The following ATP9B variants were observed in gnomAD, a reference collection of about 807,000 sequenced individuals.
ATP9B encodes probable phospholipid-transporting ATPase IIB.
Under a neutral mutation model 146.1 loss-of-function variants are expected in ATP9B, and 110 were observed. The ratio of observed to expected loss-of-function variants is 0.75; its 90% CI spans 0.65 to 0.88. The LOEUF (loss-of-function observed/expected upper bound fraction) is 0.88, where lower values mean the gene tolerates loss of function less well. Ranked by LOEUF, ATP9B falls within the 40% of genes least tolerant of loss-of-function variation. The pLI, the probability that ATP9B is intolerant of heterozygous loss-of-function variation, is 0.00. For missense variants in ATP9B, 1,499 were observed against 1,496.4 expected (o/e 1.00, Z -0.03); for synonymous variants, 604 against 569.7 (o/e 1.06, Z -0.86).
intron 7 of ATP9B, among the ~76,000 whole-genome samples, chr18:79,170,790 C>T (rs538791892): frequency 6.6e-6 from 1 of 152,276 alleles, no homozygotes; most frequent in African/African-American, 2.4e-5. Context: ...TATAAGCATT[C>T]GCCAGTATAA....
At chr18:79,197,044 A>G (rs1447382838) in intron 9 of ATP9B, among the ~76,000 whole-genome samples, 1 of 152,176 alleles carries the variant, frequency 6.6e-6, no homozygotes, top group Non-Finnish European at 1.5e-5. Flanking sequence ...ATTTGAGCAT[A>G]TATAGGGTGT....
At chr18:79,130,813 A>G (rs1041627657) in intron 5 of ATP9B, among the ~76,000 whole-genome samples, 8 of 151,842 alleles carry the variant, frequency 5.3e-5, no homozygotes, top group African/African-American at 1.9e-4. Flanking sequence ...TGAGAGAGAG[A>G]GAAAAAAAAC....
chr18:79,325,842 A>G (rs1489293535), intron 15 of ATP9B, among the ~76,000 whole-genome samples: 8 of 151,034 alleles, frequency 5.3e-5, no homozygotes, highest in Admixed American at 5.3e-4. Context: ...ATCTCTGCAC[A>G]CTCCATTCCT....
At chr18:79,129,980 G>T (rs1297992556) in intron 5 of ATP9B, among the ~76,000 whole-genome samples, 2 of 152,174 alleles carry the variant, frequency 1.3e-5, no homozygotes, top group African/African-American at 4.8e-5. Context: ...GACCTCAGGT[G>T]ATCCACTTGC....
chr18:79,316,226 A>G (rs2096679051), intron 15 of ATP9B, among the ~76,000 whole-genome samples: 1 of 152,196 alleles, frequency 6.6e-6, no homozygotes, highest in Non-Finnish European at 1.5e-5. Context: ...AGAAAAATCT[A>G]AATGACAAAT....
intron 21 of ATP9B, among the ~76,000 whole-genome samples, chr18:79,345,103 T>C (rs914507623): frequency 2.0e-5 from 3 of 152,156 alleles, no homozygotes; most frequent in Admixed American, 2.0e-4. Flanking sequence ...AGAAAGTCAC[T>C]AAGGCAGCTT....
chr18:79,102,430 T>G (rs2075348440), intron 2 of ATP9B, among the ~76,000 whole-genome samples: 1 of 152,194 alleles, frequency 6.6e-6, no homozygotes, highest in Non-Finnish European at 1.5e-5. Flanking sequence ...CCAAATATTC[T>G]AATACCACTT....
intron 1 of ATP9B, among the ~76,000 whole-genome samples, chr18:79,071,049 C>CTTTTTTCTTTTTTTTTTTTTTTTTTTT: frequency 8.9e-6 from 1 of 112,392 alleles, no homozygotes; most frequent in Non-Finnish European, 1.8e-5. Context: ...ATTCCTGTTT[C>CTTTTTTCTTTTTTTTTTTTTTTTTTTT]TTTTTTTTTT....
intron 14 of ATP9B, among the ~76,000 whole-genome samples, chr18:79,305,651 T>C (rs2096616681): frequency 6.6e-6 from 1 of 152,208 alleles, no homozygotes; most frequent in African/African-American, 2.4e-5. Flanking sequence ...AAATAAGTTA[T>C]TAGGAAAAAA....
intron 8 of ATP9B, among the ~76,000 whole-genome samples, chr18:79,187,016 G>A (rs1238955880): frequency 1.3e-5 from 2 of 152,192 alleles, no homozygotes; most frequent in Non-Finnish European, 2.9e-5. Context: ...GGCTTGGGTG[G>A]GAGTGCACTA....
chr18:79,348,836 T>G (rs371065388), intron 25 of ATP9B, among the ~76,000 whole-genome samples: 1 of 152,216 alleles, frequency 6.6e-6, no homozygotes, highest in African/African-American at 2.4e-5. Flanking sequence ...ACAAAAAAAT[T>G]AGCCAGGCGT....
At chr18:79,232,907 A>G (rs2095805301) in intron 11 of ATP9B, among the ~76,000 whole-genome samples, 1 of 152,234 alleles carries the variant, frequency 6.6e-6, no homozygotes, top group Non-Finnish European at 1.5e-5. Context: ...AAGACAGGCT[A>G]GTGAAAAGTT....
intron 12 of ATP9B, among the ~76,000 whole-genome samples, chr18:79,265,027 C>T (rs555159565): frequency 6.6e-6 from 1 of 152,106 alleles, no homozygotes; most frequent in Non-Finnish European, 1.5e-5. Flanking sequence ...AAGCCTAGTA[C>T]TCATTAATTA....
intron 11 of ATP9B, among the ~76,000 whole-genome samples, chr18:79,245,299 A>G (rs1028922781): frequency 1.2e-4 from 18 of 152,234 alleles, no homozygotes; most frequent in African/African-American, 4.3e-4. Context: ...TGCCACTTCT[A>G]TGAATGATGT....
rs923891356 is a variant in ATP9B at position 79,375,283 on chromosome 18, T to G, written c.3275-111T>G. The G allele has an allele frequency of 3.1e-6, 3 of 968,892 alleles. No homozygotes were observed. The African/African-American group carries it at 4.9e-5, about 16-fold the overall frequency. 60.0% of individuals were successfully genotyped at this position (968,892 alleles called of 1,614,324 possible). On this transcript the variant is annotated intron_variant, in intron 28 of 29. Transcript: ENST00000426216. Reference sequence around the variant, plus strand: ...ACCACATTGAAAACGCAGCTTGCACTGCCATTTTATTGCTTTTTAATGTAT... The same window carrying G: ...ACCACATTGAAAACGCAGCTTGCACGGCCATTTTATTGCTTTTTAATGTAT...
intron 25 of ATP9B, among the ~76,000 whole-genome samples, chr18:79,355,559 AAG>A (rs1177916290): frequency 1.3e-5 from 2 of 152,216 alleles, no homozygotes; most frequent in African/African-American, 4.8e-5. Context: ...CAATCTGAAC[AAG>A]AGAGAAAACT....
At chr18:79,189,936 C>T (rs1305412745) in intron 8 of ATP9B, among the ~76,000 whole-genome samples, 1 of 152,222 alleles carries the variant, frequency 6.6e-6, no homozygotes, top group Non-Finnish European at 1.5e-5. Flanking sequence ...GCACCATGAG[C>T]GAGCACTCGG....
chr18:79,335,812 C>A (rs2096821471), intron 17 of ATP9B, among the ~76,000 whole-genome samples: 1 of 152,250 alleles, frequency 6.6e-6, no homozygotes, highest in African/African-American at 2.4e-5. Context: ...GAGCAACACT[C>A]TTATGAGCCC....
intron 26 of ATP9B, among the ~76,000 whole-genome samples, chr18:79,369,532 CAAAAAAA>C (rs67043260): frequency 1.1e-4 from 10 of 87,990 alleles, no homozygotes; most frequent in Admixed American, 1.3e-4. Flanking sequence ...GAGTCCGTCT[CAAAAAAA>C]AAAAAAAAAA....
Sources: gnomAD v4.1 joint callset for allele counts (sites outside exome capture counted in the v4.1 genomes callset) on GRCh38, gnomAD v4.1.1 for gene constraint, MANE v1.5 for transcripts, NCBI Gene and HGNC (gene_info 2026-07-23, HGNC 2026-07-21) for gene names.